CASKIN1: variants seen among roughly 807,000 people sequenced by gnomAD.
CASKIN1 encodes caskin-1.
In CASKIN1, 42 loss-of-function variants were observed where a neutral mutation model predicts 117.5. That is an observed-to-expected ratio of 0.36 (90% confidence interval 0.28 to 0.46). The LOEUF is 0.46. Ranked by LOEUF, CASKIN1 falls within the 20% of genes least tolerant of loss-of-function variation. CASKIN1 has a pLI of 1.00. For synonymous variants in CASKIN1, 1,148 were observed against 961.7 expected, an observed-to-expected ratio of 1.19 and a Z score of -3.59; for missense variants, 2,083 against 2,077.3, an observed-to-expected ratio of 1.00 and a Z score of -0.05.
At chr16:2,193,615 C>G (rs2093207007) in intron 1 of CASKIN1, among the ~76,000 whole-genome samples, 1 of 152,232 alleles carries the variant, frequency 6.6e-6, no homozygotes, top group Admixed American at 6.5e-5. Context: ...TCTCACCCAG[C>G]CACACCTTCA....
Position 2,190,224 on chromosome 16 carries a change from G to T in CASKIN1, c.147-54C>A, listed in dbSNP as rs568680569. The T allele has an allele frequency of 5.6e-5, 89 of 1,599,796 alleles. No individual in the cohort carries two copies. The African/African-American group carries it at 9.9e-4, about 18-fold the overall frequency. ...GAGGCCCTGGCGCCCCGGCCTTCCC[G>T]GCACCCTGCCCTCCCCCGGCACCTA... On this transcript the variant is annotated intron_variant, in intron 2 of 19. Transcript: ENST00000343516.
Position 2,184,860 on chromosome 16 carries a change from G to A in CASKIN1, c.1333C>T (p.Arg445Trp), listed in dbSNP as rs375904153. ...GCGTGGGCCACTGGAGGCTGGGACC[G>A]GGCCACACCTGAGGACGAGAGTGGG... ...KPPEGSAGVA[R>W]SQPPVAHAGQ... is the part of the protein sequence containing the mutation. Residue 445 changes from arginine to tryptophan, a missense_variant, in exon 14 of 20, where the codon CGG becomes TGG. Physicochemically the swap from Arg to Trp is moderately radical, Grantham distance 101 (BLOSUM62 -3). Around this residue, in one of 3 missense-constraint regions of CASKIN1, gnomAD observed 1,818 missense variants for 1,688.9 expected, o/e 1.08. Transcript: ENST00000343516. 7.7e-6 allele frequency: 12 copies of A among 1,566,870 alleles called. No individual in the cohort carries two copies. The highest frequency in any genetic ancestry group is 1.7e-4 in the Middle Eastern group (1 of 5,890).
chr16:2,180,372 C>A lies in CASKIN1; in HGVS notation c.2996G>T (p.Gly999Val), dbSNP rs1490574236. 2 of 1,592,720 alleles carry A rather than the reference C, an allele frequency of 1.3e-6. No individual in the cohort carries two copies. Among genetic ancestry groups the A allele is most frequent in the Admixed American group, 3.4e-5 (2 of 59,278 alleles). The change falls in exon 18 of 20, where the codon GGC (glycine) becomes GTC (valine). Residue 999 changes from glycine to valine, a missense_variant. Physicochemically the swap from Gly to Val is moderately radical, Grantham distance 109. Coordinates refer to ENST00000343516, the MANE Select transcript of CASKIN1 (RefSeq NM_020764.4). The part of the protein sequence containing the change: ...LAGSVDTGSA[G>V]SVKSIAAMLE... ...CATGGCCGCGATGCTCTTCACACTG[C>A]CGGCACTACCCGTGTCCACGCTGCC...
At chr16:2,190,045 C>T in intron 3 of CASKIN1, 28 bp downstream of exon 3, 1 of 1,599,284 alleles carries the variant, frequency 6.3e-7, no homozygotes, top group East Asian at 2.2e-5. Flanking sequence ...CGCCCCTGCC[C>T]CCACCAGAGG....
At position 2,181,086 on chromosome 16, in the gene CASKIN1, C is replaced by T; in HGVS notation, c.2282G>A (p.Gly761Asp). Residue 761 changes from glycine (G) to aspartate (D), a missense_variant, in exon 18 of 20, where the codon GGC (glycine) becomes GAC (aspartate). By Grantham distance (94) the Gly-to-Asp change is moderately conservative. Coordinates refer to ENST00000343516, the MANE Select transcript of CASKIN1 (RefSeq NM_020764.4). ...TGGTGGGAGGACCTGCCGTGGCTTG[C>T]CAGGCACGGGGGGCACGCTGGCCCT... ...IKRASVPPVP[G>D]KPRQVLPPGT... 1 of 1,482,220 alleles carries T rather than the reference C, an allele frequency of 6.7e-7. No individual in the cohort carries two copies. Among genetic ancestry groups the T allele is most frequent in the Non-Finnish European group, 8.9e-7 (1 of 1,123,094 alleles). The allele number at this position is 1,482,220 out of a possible 1,614,324, so 91.8% of individuals were successfully genotyped here.
intron 1 of CASKIN1, among the ~76,000 whole-genome samples, chr16:2,195,975 G>A (rs903042807): frequency 2.0e-5 from 3 of 152,034 alleles, no homozygotes; most frequent in South Asian, 2.1e-4. Context: ...GTGGTGGGTG[G>A]GGGGGGCATC....
At chr16:2,186,681 G>GC (rs758171632) in intron 10 of CASKIN1, 26 bp downstream of exon 10, 6 of 1,594,142 alleles carry the variant, frequency 3.8e-6, no homozygotes, top group Non-Finnish European at 4.3e-6. Flanking sequence ...GCTCCTGCCT[G>GC]CCCCCCAGGG....
Position 2,180,459 on chromosome 16 carries a change from G to T in CASKIN1, c.2909C>A (p.Ala970Asp). The change falls in exon 18 of 20, where the codon GCC becomes GAC. Residue 970 changes from alanine (A) to aspartate (D), a missense_variant. Transcript: ENST00000343516. The part of the protein sequence containing the change: ...ANLADEPVPD[A>D]EPEDGLLGVR... Reference sequence around the variant, plus strand: ...CCCCAGCAGGCCATCCTCAGGCTCGGCGTCAGGCACCGGCTCATCCGCCAG... The same window carrying T: ...CCCCAGCAGGCCATCCTCAGGCTCGTCGTCAGGCACCGGCTCATCCGCCAG... 1 of 1,556,362 alleles carries T rather than the reference G, an allele frequency of 6.4e-7. No homozygotes were observed.
rs1299768748 is a variant in CASKIN1 at position 2,177,410 on chromosome 16, C to T, written c.*1140G>A. The T allele has an allele frequency of 3.0e-5, 7 of 232,670 alleles. No individual in the cohort carries two copies. Among genetic ancestry groups the T allele is most frequent in the East Asian group, 6.1e-5 (1 of 16,502 alleles). 14.4% of individuals were successfully genotyped at this position (232,670 alleles called of 1,614,324 possible). On this transcript the variant is annotated 3_prime_UTR_variant, in exon 20 of 20. Coordinates refer to ENST00000343516, the MANE Select transcript of CASKIN1 (RefSeq NM_020764.4). The stretch of plus-strand genomic sequence containing the variant: ...GCCCCACACCACAATCGCTGGTTTT[C>T]GGCATTTTTTAAATTTTTTTTTTAA...
chr16:2,188,830 C>A (rs1013959633), intron 6 of CASKIN1, 197 bp downstream of exon 6: 7 of 719,748 alleles, frequency 9.7e-6, no homozygotes, highest in East Asian at 8.5e-5. Context: ...ACAGAGACGT[C>A]GCAGAAGCCC....
chr16:2,186,867 C>T (rs373153189), intron 9 of CASKIN1, 43 bp from the exon 10 acceptor site: 32 of 1,606,974 alleles, frequency 2.0e-5, no homozygotes, highest in South Asian at 5.5e-5. Flanking sequence ...TGCCCCCTTT[C>T]GCAGAGTCTC....
In CASKIN1 at chr16:2,179,601, CCAGGGCCTGG is replaced by C; in HGVS notation, c.3757_3766del (p.Pro1253AlafsTer5). On this transcript the variant is annotated frameshift_variant, in exon 18 of 20. Transcript: ENST00000343516. LOFTEE classifies it high-confidence loss of function. The surrounding 1 kb of genome is among the most constrained non-coding windows in gnomAD (Gnocchi z 5.8). ...CACCCTGGCTGGCCTACCTGGGCTG[CCAGGGCCTGG>C]CAGCGGCACCTTCTTGGAGGTGGGT... 1.4e-6 allele frequency: 2 copies of C among 1,447,948 alleles called. No homozygotes were observed. The highest frequency in any genetic ancestry group is 1.8e-6 in the Non-Finnish European group (2 of 1,106,532). The allele number at this position is 1,447,948 out of a possible 1,614,324, so 89.7% of individuals were successfully genotyped here.
rs1567255898 is a variant in CASKIN1 at position 2,178,054 on chromosome 16, A to T, written c.*496T>A. The T allele has an allele frequency of 8.5e-6, 4 of 469,046 alleles. No individual in the cohort carries two copies. Among genetic ancestry groups the T allele is most frequent in the Non-Finnish European group, 1.6e-5 (4 of 248,190 alleles). The allele number at this position is 469,046 out of a possible 1,614,324, so 29.1% of individuals were successfully genotyped here. ...TTCTTTCTTTAAATATATATTTGTT[A>T]AAGTTATACCTTTTTGTTTCTCTGG... is the stretch of plus-strand genomic sequence containing the variant. On this transcript the variant is annotated 3_prime_UTR_variant, in exon 20 of 20. Coordinates refer to ENST00000343516, the MANE Select transcript of CASKIN1 (RefSeq NM_020764.4).
At chr16:2,192,115 G>A (rs960149217) in intron 1 of CASKIN1, among the ~76,000 whole-genome samples, 1 of 152,026 alleles carries the variant, frequency 6.6e-6, no homozygotes, top group African/African-American at 2.4e-5. Flanking sequence ...AACATAGCAA[G>A]ACCTTGTCTC....
Position 2,178,968 on chromosome 16 carries a change from G to A in CASKIN1, c.4133C>T (p.Ala1378Val). 4 of 1,466,954 alleles carry A rather than the reference G, an allele frequency of 2.7e-6. No homozygotes were observed. The highest frequency in any genetic ancestry group is 2.4e-5 in the Admixed American group (1 of 41,230). 90.9% of individuals were successfully genotyped at this position (1,466,954 alleles called of 1,614,324 possible). The change falls in exon 19 of 20, where the codon GCG becomes GTG. Residue 1378 changes from alanine (A) to valine (V), a missense_variant. Around this residue, in one of 3 missense-constraint regions of CASKIN1, gnomAD observed 1,818 missense variants for 1,688.9 expected, o/e 1.08. Transcript: ENST00000343516. ...CGCCTGCAGCGCCGCGGCCAGGCACGCGCTTGTCTCCTCCAGTTTCTGCCG... is the reference window on the plus strand; with the variant it reads ...CGCCTGCAGCGCCGCGGCCAGGCACACGCTTGTCTCCTCCAGTTTCTGCCG... ...SARQKLEETSACLAAALQAVE... is the reference protein window; with the variant it reads ...SARQKLEETSVCLAAALQAVE...
chr16:2,186,878 C>T (rs1166869931), intron 9 of CASKIN1, 54 bp from the exon 10 acceptor site: 1 of 1,605,252 alleles, frequency 6.2e-7, no homozygotes, highest in Non-Finnish European at 8.5e-7. Context: ...GCAGAGTCTC[C>T]TGCCCAGTGC....
chr16:2,186,916 G>C (rs1267657612), intron 9 of CASKIN1, 62 bp downstream of exon 9: 1 of 1,602,212 alleles, frequency 6.2e-7, no homozygotes, highest in Non-Finnish European at 8.5e-7. Flanking sequence ...AGGGTGTTCT[G>C]GGGTGCGCAC....
intron 1 of CASKIN1, among the ~76,000 whole-genome samples, chr16:2,192,408 G>C (rs540527002): frequency 6.6e-6 from 1 of 152,238 alleles, no homozygotes; most frequent in South Asian, 2.1e-4. Context: ...ACAACGGACA[G>C]TGGCTGTGCT....
chr16:2,195,754 C>T (rs569213143), intron 1 of CASKIN1, among the ~76,000 whole-genome samples: 228 of 152,348 alleles, frequency 1.5e-3, no homozygotes, highest in Non-Finnish European at 2.6e-3. Flanking sequence ...CCAGCCTGCC[C>T]TGGGCTGGGC....
Sources: gnomAD v4.1 joint callset for allele counts (sites outside exome capture counted in the v4.1 genomes callset) on GRCh38, gnomAD v4.1.1 for gene constraint, gnomAD v4.1.1 regional missense constraint, Gnocchi (gnomAD v3.1) non-coding constraint, MANE v1.5 for transcripts, NCBI Gene and HGNC (gene_info 2026-07-23, HGNC 2026-07-21) for gene names.